ASMT: variants seen among roughly 807,000 people sequenced by gnomAD.
ASMT encodes acetylserotonin N-methyltransferase.
In ASMT, 53 loss-of-function variants were observed where a neutral mutation model predicts 41.3. The ratio of observed to expected loss-of-function variants is 1.28; its 90% confidence interval spans 1.03 to 1.61. ASMT has a LOEUF of 1.61. Ranked by LOEUF, ASMT falls within the 40% of genes most tolerant of loss-of-function variation. ASMT has a pLI of 0.00. For missense variants in ASMT, 531 were observed against 441.3 expected (o/e 1.20, Z -1.82); for synonymous variants, 231 against 184.8 (o/e 1.25, Z -2.03).
intron 1 of ASMT, among the ~76,000 whole-genome samples, chrX:1,616,755 C>T (rs1450810302): frequency 6.7e-6 from 1 of 149,732 alleles, no homozygotes; most frequent in East Asian, 2.0e-4. Context: ...GTCGCCCAGG[C>T]TGGAGTGCAA....
chrX:1,633,641 A>AT (rs1934856834), intron 7 of ASMT, among the ~76,000 whole-genome samples: 1 of 113,826 alleles, frequency 8.8e-6, no homozygotes, highest in African/African-American at 4.0e-5. Flanking sequence ...ACATCCAGCT[A>AT]ATTTTTTTTT....
At position 1,636,526 on chromosome X, in the gene ASMT, C is replaced by G. The variant is rs199983242; in HGVS notation, c.876C>G (p.His292Gln). ...LHDWADGKCS[H>Q]LLERIYHTCK... ...ACTGGGCAGACGGAAAGTGCTCACA[C>G]CTGCTGGAGAGGATCTACCACACTT... The change falls in exon 8 of 9, where the codon CAC becomes CAG. Residue 292 changes from histidine (H) to glutamine (Q), a missense_variant. By Grantham distance (24) the His-to-Gln change is conservative. Transcript: ENST00000381241. 16 of 1,613,696 alleles carry G rather than the reference C, an allele frequency of 9.9e-6. 1 individual carries two copies. Among genetic ancestry groups the G allele is most frequent in the South Asian group, 7.7e-5 (7 of 91,068 alleles).
chrX:1,616,791 C>T (rs1422049537), intron 1 of ASMT, among the ~76,000 whole-genome samples: 2 of 151,286 alleles, frequency 1.3e-5, no homozygotes, highest in African/African-American at 4.8e-5. Context: ...TCACTGCAAG[C>T]TCCACCTCCC....
chrX:1,629,681 C>G (rs1318491287), intron 4 of ASMT, 140 bp from the exon 5 acceptor site: 2 of 838,128 alleles, frequency 2.4e-6, no homozygotes, highest in African/African-American at 1.7e-5. Flanking sequence ...GAATGACTTC[C>G]TGTTCCATTT....
chrX:1,642,859 C>T lies in ASMT; in HGVS notation c.967C>T (p.Leu323Phe), dbSNP rs766977845. Residue 323 changes from leucine to phenylalanine, a missense_variant, in exon 9 of 9, where the codon CTC becomes TTC. By Grantham distance (22) the Leu-to-Phe change is conservative. Transcript: ENST00000381241. Reference sequence around the variant, plus strand: ...GGATGAAGACAGGCGAGGTCCTCTGCTCACGCAGCTCTACTCTCTGAACAT... The same window carrying T: ...GGATGAAGACAGGCGAGGTCCTCTGTTCACGCAGCTCTACTCTCTGAACAT... Reference protein sequence around the residue: ...LLDEDRRGPLLTQLYSLNMLV... With the variant: ...LLDEDRRGPLFTQLYSLNMLV... The T allele has an allele frequency of 1.9e-5, 31 of 1,613,870 alleles. 1 individual carries two copies. In the South Asian group the frequency reaches 3.0e-4, roughly 15 times the overall value.
intron 5 of ASMT, among the ~76,000 whole-genome samples, chrX:1,630,369 G>T (rs1242526314): frequency 1.4e-5 from 2 of 139,912 alleles, no homozygotes; most frequent in Non-Finnish European, 3.0e-5. Flanking sequence ...GCAGTGGCAC[G>T]ATCTCGGCTC....
intron 1 of ASMT, among the ~76,000 whole-genome samples, chrX:1,617,601 T>A (rs1265361641): frequency 1.3e-5 from 2 of 151,886 alleles, no homozygotes; most frequent in African/African-American, 4.8e-5. Context: ...AGCCACCGGT[T>A]TTTTTTGTTT....
rs760612587 is a variant in ASMT at position 1,623,322 on chromosome X, A to G, written c.244+9A>G. On this transcript the variant is annotated intron_variant, in intron 2 of 8. Transcript: ENST00000381241. Reference sequence around the variant, plus strand: ...GACGAGGGGAGGAAAAGGTGAGGACACGGGCGTTTTGAAGGAGGCATTTTA... The same window carrying G: ...GACGAGGGGAGGAAAAGGTGAGGACGCGGGCGTTTTGAAGGAGGCATTTTA... 3 of 1,613,944 alleles carry G rather than the reference A, an allele frequency of 1.9e-6. No individual in the cohort carries two copies. In the South Asian group the frequency reaches 3.3e-5, roughly 18 times the overall value.
intron 1 of ASMT, among the ~76,000 whole-genome samples, chrX:1,616,330 G>C: frequency 6.6e-6 from 1 of 151,566 alleles, no homozygotes; most frequent in East Asian, 1.9e-4. Flanking sequence ...ATCGTGCTCA[G>C]TGAAGGAAGG....
At position 1,616,173 on chromosome X, in the gene ASMT, C is replaced by T. The variant is rs192348264; in HGVS notation, c.69+905C>T. Among the ~76,000 whole-genome samples, 1,166 of 144,100 alleles carry T rather than the reference C, an allele frequency of 8.1e-3. 44 individuals are homozygous for T. Among genetic ancestry groups the T allele is most frequent in the African/African-American group, 0.029 (1,077 of 36,950 alleles). 94.5% of individuals were successfully genotyped at this position (144,100 alleles called of 152,430 possible). A position where few individuals can be genotyped will look rare whatever the true frequency, so the allele number is the denominator to read the frequency against. On this transcript the variant is annotated intron_variant, in intron 1 of 8. Coordinates refer to ENST00000381241, the MANE Select transcript of ASMT (RefSeq NM_001171038.2). ...CCTCCCGAGTATCTGGGATTACAGG[C>T]ACCCACCACCACGCCCGGCTAATTT...
rs1462198319 is a variant in ASMT, at chrX:1,629,899, C to A, written c.522C>A (p.Ala174=). The A allele has an allele frequency of 6.2e-7, 1 of 1,613,996 alleles. No individual in the cohort carries two copies. The highest frequency in any genetic ancestry group is 1.3e-5 in the African/African-American group (1 of 75,056). The change falls in exon 5 of 9, where the codon GCC becomes GCA. Residue 174 remains alanine, a synonymous_variant. Transcript: ENST00000381241. ...WSVNGRSVLT[A]FDLSVFPLMC... ...TCAACGGGAGAAGCGTGCTGACCGC[C>A]TTTGACCTGTCAGTGTTCCCACTTA...
chrX:1,631,209 G>A (rs1294452133), intron 5 of ASMT, among the ~76,000 whole-genome samples: 2 of 150,764 alleles, frequency 1.3e-5, no homozygotes, highest in Non-Finnish European at 3.0e-5. Flanking sequence ...CCACTGCGCC[G>A]AGCTCATTTT....
At chrX:1,629,777 C>A in intron 4 of ASMT, 44 bp from the exon 5 acceptor site, 3 of 1,571,844 alleles carry the variant, frequency 1.9e-6, no homozygotes, top group South Asian at 1.1e-5. Context: ...CTGGGCACGT[C>A]CCCAGATCCT....
At chrX:1,627,016 G>A (rs1477250307) in intron 3 of ASMT, among the ~76,000 whole-genome samples, 5 of 146,100 alleles carry the variant, frequency 3.4e-5, no homozygotes, top group Admixed American at 6.9e-5. Context: ...GCGACACAGC[G>A]AGACTCCGTC....
chrX:1,642,808 G>T lies in ASMT; in HGVS notation c.916G>T (p.Gly306Cys). 1.2e-6 allele frequency: 2 copies of T among 1,613,874 alleles called. No individual in the cohort carries two copies. The highest frequency in any genetic ancestry group is 1.7e-4 in the Middle Eastern group (1 of 6,044). The change falls in exon 9 of 9, where the codon GGC becomes TGC. Residue 306 changes from glycine (G) to cysteine (C), a missense_variant. Gly to Cys is a radical substitution (Grantham distance 159). Coordinates refer to ENST00000381241, the MANE Select transcript of ASMT (RefSeq NM_001171038.2). ...RIYHTCKPGG[G>C]ILVIESLLDE... is the part of the protein sequence containing the mutation. ...CTGTGCCCCTCCCTTTCTAGGTGGTGGCATTCTGGTAATTGAAAGCCTCCT... is the reference window on the plus strand; with the variant it reads ...CTGTGCCCCTCCCTTTCTAGGTGGTTGCATTCTGGTAATTGAAAGCCTCCT...
At chrX:1,629,449 CCCA>C (rs1934686866) in intron 4 of ASMT, among the ~76,000 whole-genome samples, 1 of 152,196 alleles carries the variant, frequency 6.6e-6, no homozygotes, top group Admixed American at 6.5e-5. Flanking sequence ...TAGCCTCTTC[CCCA>C]GGATGTGTGG....
intron 3 of ASMT, 157 bp from the exon 4 acceptor site, chrX:1,627,546 A>T (rs1455165910): frequency 4.7e-6 from 1 of 212,324 alleles, no homozygotes; most frequent in Non-Finnish European, 7.9e-6. Flanking sequence ...GCGTGAACCC[A>T]GAAGGCAGAG....
chrX:1,620,267 G>A (rs1175797620), intron 1 of ASMT, among the ~76,000 whole-genome samples: 1 of 147,202 alleles, frequency 6.8e-6, no homozygotes, highest in South Asian at 2.3e-4. Flanking sequence ...CGCCTCCCGG[G>A]TTCAGGCGAT....
chrX:1,636,318 C>G lies in ASMT; in HGVS notation c.788-120C>G, dbSNP rs751367550. The G allele has an allele frequency of 1.4e-4, 196 of 1,451,002 alleles. No homozygotes were observed. In the African/African-American group the frequency reaches 2.3e-3, roughly 17 times the overall value. 89.9% of individuals were successfully genotyped at this position (1,451,002 alleles called of 1,614,324 possible). A position where few individuals can be genotyped will look rare whatever the true frequency, so the allele number is the denominator to read the frequency against. ...TTTCTGAGGCTAGGTCTGCAGGTGA[C>G]TAGCCTGGAAGACCTGGGAAAGGCG... On this transcript the variant is annotated intron_variant, in intron 7 of 8. Coordinates refer to ENST00000381241, the MANE Select transcript of ASMT (RefSeq NM_001171038.2).
Sources: allele counts gnomAD v4.1 joint callset (sites outside exome capture counted in the v4.1 genomes callset), GRCh38; gene constraint gnomAD v4.1.1; transcripts MANE v1.5; gene names NCBI Gene and HGNC (gene_info 2026-07-23, HGNC 2026-07-21).